Variants in KIF26B observed in about 807,000 individuals in gnomAD.
KIF26B encodes the protein kinesin-like protein KIF26B.
A neutral mutation model predicts 151.2 loss-of-function variants in KIF26B; 63 were observed. The ratio of observed to expected loss-of-function variants is 0.42; its 90% CI spans 0.34 to 0.51. The LOEUF (loss-of-function observed/expected upper bound fraction) is 0.51. Ranked by LOEUF, KIF26B falls within the 20% of genes least tolerant of loss-of-function variation. The pLI, the probability that KIF26B is intolerant of heterozygous loss-of-function variation, is 0.07. For synonymous variants in KIF26B, 1,357 were observed against 1,262.1 expected, an observed-to-expected ratio of 1.08 and a Z score of -1.59; for missense variants, 2,813 against 2,913.6, an observed-to-expected ratio of 0.97 and a Z score of 0.79.
rs773732629 is a variant in KIF26B, at chr1:245,686,625, C to A, written c.3642C>A (p.Asn1214Lys). The change falls in exon 12 of 15, where the codon AAC becomes AAA. Residue 1214 changes from asparagine to lysine, a missense_variant. Asn to Lys is a moderately conservative substitution (Grantham distance 94, BLOSUM62 0). Coordinates refer to ENST00000407071, the MANE Select transcript of KIF26B (RefSeq NM_018012.4). This position sits in a 1 kb window ranked among gnomAD's most constrained non-coding sequence, Gnocchi z 5.6. ...GCCCCACCAGCATCATCAGCTTCAACAGCGACTGCTCTGCACGGGCCCTGG... is the reference window on the plus strand; with the variant it reads ...GCCCCACCAGCATCATCAGCTTCAAAAGCGACTGCTCTGCACGGGCCCTGG... ...SGRPTSIISF[N>K]SDCSARALAS... The A allele has an allele frequency of 1.9e-6, 3 of 1,611,164 alleles. No homozygotes were observed. The Admixed American group carries it at 5.0e-5, about 27-fold the overall frequency.
At chr1:245,431,756 C>T (rs978759117) in intron 4 of KIF26B, among the ~76,000 whole-genome samples, 31 of 152,214 alleles carry the variant, frequency 2.0e-4, no homozygotes, top group African/African-American at 6.5e-4. Context: ...GGATTACAGG[C>T]GTGAGCCACT....
In KIF26B at chr1:245,704,629, C is replaced by G. The variant is rs533084082; in HGVS notation, c.*2023C>G. ...CTCGTTCTTCCTTCTGTGTATCTCC[C>G]AAGTCTGACAAGTGTGTTGCCCTGG... is the stretch of plus-strand genomic sequence containing the variant. On this transcript the variant is annotated 3_prime_UTR_variant, in exon 15 of 15. Coordinates refer to ENST00000407071, the MANE Select transcript of KIF26B (RefSeq NM_018012.4). 1 of 152,268 alleles carries G rather than the reference C, an allele frequency of 6.6e-6. No individual in the cohort carries two copies. Among genetic ancestry groups the G allele is most frequent in the African/African-American group, 2.4e-5 (1 of 41,454 alleles). The allele number at this position is 152,268 out of a possible 1,614,324, so 9.4% of individuals were successfully genotyped here. A position where few individuals can be genotyped will look rare whatever the true frequency, so the allele number is the denominator to read the frequency against.
chr1:245,292,929 G>T (rs916217507), intron 2 of KIF26B, among the ~76,000 whole-genome samples: 2 of 152,156 alleles, frequency 1.3e-5, no homozygotes, highest in Non-Finnish European at 2.9e-5. Flanking sequence ...TGCCGTCCCT[G>T]CTCCTGAATT....
intron 4 of KIF26B, among the ~76,000 whole-genome samples, chr1:245,450,541 G>A (rs952730547): frequency 6.6e-6 from 1 of 152,214 alleles, no homozygotes; most frequent in African/African-American, 2.4e-5. Context: ...CTAATGATGG[G>A]TACTGGGCTG....
chr1:245,200,024 A>G (rs1033428203), intron 2 of KIF26B, among the ~76,000 whole-genome samples: 1 of 152,212 alleles, frequency 6.6e-6, no homozygotes, highest in African/African-American at 2.4e-5. Context: ...CTGTGTCTAC[A>G]CTTCCGTGCT....
intron 2 of KIF26B, among the ~76,000 whole-genome samples, chr1:245,327,148 C>T (rs1311766374): frequency 6.6e-6 from 1 of 152,194 alleles, no homozygotes; most frequent in African/African-American, 2.4e-5. Context: ...TGCTGGCGCC[C>T]CTCCTATGGC....
intron 2 of KIF26B, among the ~76,000 whole-genome samples, chr1:245,319,930 A>G (rs1573772853): frequency 6.6e-6 from 1 of 152,244 alleles, no homozygotes; most frequent in Admixed American, 6.5e-5. Context: ...ATTTGGGAGT[A>G]TAAGAACACA....
intron 2 of KIF26B, among the ~76,000 whole-genome samples, chr1:245,196,532 A>T (rs903105639): frequency 2.6e-5 from 4 of 152,022 alleles, no homozygotes; most frequent in African/African-American, 9.7e-5. Flanking sequence ...CCCTTCATTG[A>T]CTGTGCTCCA....
At chr1:245,261,646 G>A (rs1276988802) in intron 2 of KIF26B, among the ~76,000 whole-genome samples, 7 of 151,504 alleles carry the variant, frequency 4.6e-5, no homozygotes, top group African/African-American at 9.7e-5. Flanking sequence ...ATGCAATGGC[G>A]TGATCATAGC....
At chr1:245,441,370 C>T (rs934031968) in intron 4 of KIF26B, among the ~76,000 whole-genome samples, 1 of 152,092 alleles carries the variant, frequency 6.6e-6, no homozygotes, top group African/African-American at 2.4e-5. Flanking sequence ...CGGAAGGGTA[C>T]ACTTTAGAAA....
At chr1:245,442,344 G>A (rs1659125745) in intron 4 of KIF26B, among the ~76,000 whole-genome samples, 1 of 152,156 alleles carries the variant, frequency 6.6e-6, no homozygotes, top group South Asian at 2.1e-4. Context: ...TGTGTGTTGA[G>A]AAGGGATGCT....
chr1:245,614,452 C>T (rs1178677285), intron 9 of KIF26B, among the ~76,000 whole-genome samples: 12 of 152,218 alleles, frequency 7.9e-5, no homozygotes, highest in Admixed American at 7.9e-4. Context: ...GGATTACAGG[C>T]GTGAGCCACC....
At chr1:245,401,150 T>A (rs1069242) in intron 3 of KIF26B, among the ~76,000 whole-genome samples, 66,208 of 152,096 alleles carry the variant, frequency 0.44, 16,117 homozygotes, top group South Asian at 0.64. Flanking sequence ...TTTTTTGAAA[T>A]CTTTGTAAAA....
intron 2 of KIF26B, among the ~76,000 whole-genome samples, chr1:245,364,370 G>A (rs1051188468): frequency 4.0e-5 from 6 of 150,934 alleles, no homozygotes; most frequent in South Asian, 2.1e-4. Flanking sequence ...AAGGGCTAGC[G>A]TTGGAAATAA....
rs138966787 is a variant in KIF26B at position 245,180,453 on chromosome 1, A to G, written c.465+23770A>G. On this transcript the variant is annotated intron_variant, in intron 2 of 14. Coordinates refer to ENST00000407071, the MANE Select transcript of KIF26B (RefSeq NM_018012.4). Reference sequence around the variant, plus strand: ...ACTTCCACATCTGTAAAATGGGGAGAACACCTTCCTTTCAGGGTTATAGGC... The same window carrying G: ...ACTTCCACATCTGTAAAATGGGGAGGACACCTTCCTTTCAGGGTTATAGGC... 2.3e-3 allele frequency among the ~76,000 whole-genome samples: 354 copies of G among 152,272 alleles called. 2 individuals carry two copies. Among genetic ancestry groups the G allele is most frequent in the Non-Finnish European group, 3.2e-3 (219 of 68,034 alleles).
chr1:245,419,520 G>A, intron 3 of KIF26B, 59 bp from the exon 4 acceptor site: 1 of 1,501,136 alleles, frequency 6.7e-7, no homozygotes, highest in African/African-American at 1.4e-5. Flanking sequence ...GATGCTGTCA[G>A]TGGTCAGGAA....
chr1:245,461,746 C>T (rs146517263), intron 4 of KIF26B, among the ~76,000 whole-genome samples: 172 of 152,238 alleles, frequency 1.1e-3, no homozygotes, highest in African/African-American at 4.0e-3. Flanking sequence ...GGCTAAGCAG[C>T]GCACTCTCTT....
At chr1:245,524,866 T>C (rs1661205400) in intron 4 of KIF26B, among the ~76,000 whole-genome samples, 1 of 152,210 alleles carries the variant, frequency 6.6e-6, no homozygotes, top group Admixed American at 6.5e-5. Context: ...TTTCCTCTGA[T>C]TCTGTTCAAG....
chr1:245,462,976 T>C (rs1093932), intron 4 of KIF26B, among the ~76,000 whole-genome samples: 124,910 of 152,188 alleles, frequency 0.82, 51,530 homozygotes, highest in African/African-American at 0.9. Context: ...TCCTACGAGA[T>C]GCACACACAG....
Sources: gnomAD v4.1 joint callset for allele counts (sites outside exome capture counted in the v4.1 genomes callset) on GRCh38, gnomAD v4.1.1 for gene constraint, Gnocchi (gnomAD v3.1) non-coding constraint, MANE v1.5 for transcripts, NCBI Gene and HGNC (gene_info 2026-07-23, HGNC 2026-07-21) for gene names.